The following BMPR1B variants were observed in gnomAD, a reference collection of about 807,000 sequenced individuals.
The protein encoded by BMPR1B is bone morphogenetic protein receptor type 1B.
Under a neutral mutation model 59.1 loss-of-function variants are expected in BMPR1B, and 12 were observed. That is an observed-to-expected ratio of 0.20 (90% CI 0.13 to 0.33). The LOEUF (loss-of-function observed/expected upper bound fraction) is 0.33. BMPR1B is among the 10% of genes least tolerant of loss of function. The probability of loss-of-function intolerance (pLI) is 1.00; values close to 1 mark genes in which losing one functional copy is unlikely to be tolerated. For missense variants in BMPR1B, 550 were observed against 610.9 expected (o/e 0.90, Z 1.05); for synonymous variants, 237 against 207.3 (o/e 1.14, Z -1.23).
At chr4:95,067,690 C>A (rs909956267) in intron 3 of BMPR1B, among the ~76,000 whole-genome samples, 3 of 152,124 alleles carry the variant, frequency 2.0e-5, no homozygotes, top group African/African-American at 7.2e-5. Flanking sequence ...GTTACTCCTC[C>A]CCTTAAGCAT....
At chr4:94,819,609 C>G (rs559868080) in intron 1 of BMPR1B, among the ~76,000 whole-genome samples, 1 of 152,206 alleles carries the variant, frequency 6.6e-6, no homozygotes, top group Non-Finnish European at 1.5e-5. Flanking sequence ...TAAACAAGTT[C>G]TTCTCCCTTC....
At chr4:95,082,764 T>C (rs1729257081) in intron 3 of BMPR1B, among the ~76,000 whole-genome samples, 1 of 151,764 alleles carries the variant, frequency 6.6e-6, no homozygotes, top group South Asian at 2.1e-4. Context: ...GAATCATGGG[T>C]GTGGTGGCTC....
At chr4:94,855,762 A>G (rs1725730834) in intron 1 of BMPR1B, among the ~76,000 whole-genome samples, 2 of 148,766 alleles carry the variant, frequency 1.3e-5, no homozygotes, top group Admixed American at 1.3e-4. Flanking sequence ...TTTCAGCATT[A>G]ATAAATTTAT....
At chr4:95,071,632 T>TG (rs1728281471) in intron 3 of BMPR1B, among the ~76,000 whole-genome samples, 1 of 118,220 alleles carries the variant, frequency 8.5e-6, no homozygotes. Context: ...ATATGTGTGT[T>TG]TGTGTGTGTG....
At chr4:94,967,631 C>T (rs28664863) in intron 2 of BMPR1B, among the ~76,000 whole-genome samples, 32,059 of 151,662 alleles carry the variant, frequency 0.21, 3,612 homozygotes, top group East Asian at 0.41. Flanking sequence ...TACAGGTGCA[C>T]GCCACCATGC....
At chr4:94,906,571 G>A (rs1007014296) in intron 2 of BMPR1B, among the ~76,000 whole-genome samples, 3 of 151,948 alleles carry the variant, frequency 2.0e-5, no homozygotes, top group South Asian at 2.1e-4. Context: ...ATGGGTTGAC[G>A]GGTGCAGCAA....
intron 3 of BMPR1B, among the ~76,000 whole-genome samples, chr4:95,060,306 T>G (rs562203768): frequency 2.6e-5 from 4 of 152,166 alleles, no homozygotes; most frequent in African/African-American, 4.8e-5. Context: ...AACCCCACTT[T>G]CAGAACAAGA....
At chr4:95,134,068 T>C (rs1733586428) in intron 10 of BMPR1B, among the ~76,000 whole-genome samples, 1 of 152,124 alleles carries the variant, frequency 6.6e-6, no homozygotes, top group Non-Finnish European at 1.5e-5. Flanking sequence ...TTCCCCACCC[T>C]GTGTCCAAGT....
intron 3 of BMPR1B, among the ~76,000 whole-genome samples, chr4:94,999,736 AT>A (rs1384552757): frequency 1.3e-5 from 2 of 152,164 alleles, no homozygotes; most frequent in African/African-American, 4.8e-5. Flanking sequence ...AGCCGGGAGA[AT>A]TGCAGAATGA....
chr4:94,927,265 A>G (rs977440700), intron 2 of BMPR1B, among the ~76,000 whole-genome samples: 1 of 152,180 alleles, frequency 6.6e-6, no homozygotes, highest in Non-Finnish European at 1.5e-5. Context: ...TGATCAGATC[A>G]TTAGGCTCCT....
intron 2 of BMPR1B, among the ~76,000 whole-genome samples, chr4:94,887,434 A>ATT (rs1727225652): frequency 1.3e-5 from 2 of 148,786 alleles, no homozygotes; most frequent in Admixed American, 6.7e-5. Context: ...CAAGAAGCAG[A>ATT]AGAAAACTGT....
chr4:95,044,180 G>C (rs1462237982), intron 3 of BMPR1B, among the ~76,000 whole-genome samples: 1 of 152,128 alleles, frequency 6.6e-6, no homozygotes, highest in Non-Finnish European at 1.5e-5. Flanking sequence ...CTTTATATTT[G>C]TATGCGAATT....
intron 2 of BMPR1B, among the ~76,000 whole-genome samples, chr4:94,880,613 C>G (rs1266555217): frequency 6.6e-6 from 1 of 151,328 alleles, no homozygotes; most frequent in Non-Finnish European, 1.5e-5. Flanking sequence ...GCGTGAATCA[C>G]TGCGCCTGAC....
chr4:94,820,256 A>G (rs146564408), intron 1 of BMPR1B, among the ~76,000 whole-genome samples: 13 of 152,290 alleles, frequency 8.5e-5, no homozygotes, highest in Admixed American at 3.3e-4. Context: ...TCTGATGCCA[A>G]AGTTCATGGT....
At chr4:95,018,926 G>A (rs1250309349) in intron 3 of BMPR1B, among the ~76,000 whole-genome samples, 1 of 152,138 alleles carries the variant, frequency 6.6e-6, no homozygotes, top group East Asian at 1.9e-4. Context: ...CAAGGGGCAG[G>A]TGGCGCCAAT....
intron 6 of BMPR1B, among the ~76,000 whole-genome samples, chr4:95,120,610 T>TTCCTTCCTTCCTTCCTTCCTTCC (rs1732408864): frequency 8.2e-6 from 1 of 122,586 alleles, no homozygotes; most frequent in African/African-American, 3.0e-5. Flanking sequence ...ATAGCCTGCC[T>TTCCTTCCTTCCTTCCTTCCTTCC]TTCCTTCCTT....
intron 3 of BMPR1B, among the ~76,000 whole-genome samples, chr4:95,019,157 G>C (rs1362458468): frequency 6.6e-6 from 1 of 152,062 alleles, no homozygotes; most frequent in Non-Finnish European, 1.5e-5. Flanking sequence ...AGTCGCTAAT[G>C]GAAATAACCT....
At chr4:95,139,065 G>A (rs1734019650) in intron 10 of BMPR1B, among the ~76,000 whole-genome samples, 1 of 152,126 alleles carries the variant, frequency 6.6e-6, no homozygotes, top group African/African-American at 2.4e-5. Flanking sequence ...TTTGGTCTTT[G>A]ATGATGGTGA....
At chr4:95,128,435 A>G (rs1214775358) in intron 8 of BMPR1B, among the ~76,000 whole-genome samples, 2 of 152,220 alleles carry the variant, frequency 1.3e-5, no homozygotes, top group Non-Finnish European at 2.9e-5. Flanking sequence ...ATAAATTGTA[A>G]TAGATGCTTA....
Sources: gnomAD v4.1 joint callset for allele counts (sites outside exome capture counted in the v4.1 genomes callset) on GRCh38, gnomAD v4.1.1 for gene constraint, MANE v1.5 for transcripts, NCBI Gene and HGNC (gene_info 2026-07-23, HGNC 2026-07-21) for gene names.